Variants in WDFY3 observed in about 807,000 individuals in gnomAD.
WDFY3 encodes the protein WD repeat and FYVE domain containing 3, also known as WD repeat and FYVE domain-containing protein 3.
In WDFY3, 66 loss-of-function variants were observed where a neutral mutation model predicts 409.6. The observed-to-expected ratio is 0.16, with a 90% CI of 0.13 to 0.20. The LOEUF is 0.20. Ranked by LOEUF, WDFY3 falls within the 10% of genes least tolerant of loss-of-function variation. The pLI, the probability that WDFY3 is intolerant of heterozygous loss-of-function variation, is 1.00. For missense variants in WDFY3, 3,031 were observed against 4,298.1 expected (o/e 0.71, Z 8.24); for synonymous variants, 1,521 against 1,537.1 (o/e 0.99, Z 0.25).
intron 64 of WDFY3, among the ~76,000 whole-genome samples, chr4:84,680,281 A>G (rs1727134263): frequency 6.6e-6 from 1 of 151,832 alleles, no homozygotes; most frequent in Non-Finnish European, 1.5e-5. Flanking sequence ...CCTTATTTTT[A>G]ATTTTTATTT....
At chr4:84,805,440 A>G (rs891715575) in intron 15 of WDFY3, among the ~76,000 whole-genome samples, 1 of 152,202 alleles carries the variant, frequency 6.6e-6, no homozygotes, top group African/African-American at 2.4e-5. Flanking sequence ...TTTATTAACT[A>G]AAATTAGGTG....
intron 18 of WDFY3, among the ~76,000 whole-genome samples, chr4:84,797,752 T>C (rs1221827257): frequency 6.6e-6 from 1 of 151,898 alleles, no homozygotes; most frequent in African/African-American, 2.4e-5. Flanking sequence ...GGCTAATTTT[T>C]TTTGTATTTT....
rs573536528 is a variant in WDFY3, at chr4:84,821,035, G to C, written c.1591+49C>G. Reference sequence around the variant, plus strand: ...TGGGAACAAGAACAAAAAATTCTCTGTTTTGAACCCCTTTTCAAATAAAAA... The same window carrying C: ...TGGGAACAAGAACAAAAAATTCTCTCTTTTGAACCCCTTTTCAAATAAAAA... On this transcript the variant is annotated intron_variant, in intron 11 of 67. Coordinates refer to ENST00000295888, the MANE Select transcript of WDFY3 (RefSeq NM_014991.6). The C allele has an allele frequency of 1.7e-5, 25 of 1,480,020 alleles. No homozygotes were observed. In the East Asian group the frequency reaches 5.6e-4, roughly 33 times the overall value. The allele number at this position is 1,480,020 out of a possible 1,614,324, so 91.7% of individuals were successfully genotyped here.
chr4:84,891,745 G>A (rs1275275539), intron 3 of WDFY3, among the ~76,000 whole-genome samples: 1 of 152,128 alleles, frequency 6.6e-6, no homozygotes, highest in Non-Finnish European at 1.5e-5. Context: ...GAAAACAGGA[G>A]AACTCAAAGG....
chr4:84,958,166 G>A (rs1226012837), intron 1 of WDFY3, among the ~76,000 whole-genome samples: 2 of 152,206 alleles, frequency 1.3e-5, no homozygotes, highest in Non-Finnish European at 2.9e-5. Flanking sequence ...CAGGGAAGCA[G>A]TGGAAAAGGC....
chr4:84,821,707 G>A (rs1344396141), intron 10 of WDFY3, among the ~76,000 whole-genome samples, 156 bp from the exon 11 acceptor site: 1 of 151,918 alleles, frequency 6.6e-6, no homozygotes, highest in Non-Finnish European at 1.5e-5. Flanking sequence ...TTCTTCATCA[G>A]GTTCAAATCA....
intron 3 of WDFY3, among the ~76,000 whole-genome samples, chr4:84,883,200 G>A (rs996734704): frequency 2.7e-4 from 41 of 152,112 alleles, no homozygotes; most frequent in African/African-American, 9.4e-4. Context: ...CATTAGACAT[G>A]TCCTAATTAC....
At chr4:84,690,063 TGA>T (rs1729001699) in intron 61 of WDFY3, among the ~76,000 whole-genome samples, 1 of 152,136 alleles carries the variant, frequency 6.6e-6, no homozygotes, top group African/African-American at 2.4e-5. Context: ...AGGGCTCTAC[TGA>T]ATATATTCAT....
rs948806750 is a variant in WDFY3, at chr4:84,838,932, T to C, written c.415-1842A>G. On this transcript the variant is annotated intron_variant, in intron 6 of 67. Transcript: ENST00000295888. The stretch of plus-strand genomic sequence containing the variant: ...TCATCTCTTACATCTACACATTGAG[T>C]CAGGACCATGTTTTGGTCATCTCTG... Among the ~76,000 whole-genome samples, 3 of 152,330 alleles carry C rather than the reference T, an allele frequency of 2.0e-5. No individual in the cohort carries two copies. The South Asian group carries it at 6.2e-4, about 32-fold the overall frequency.
At chr4:84,677,112 G>A in intron 67 of WDFY3, 87 bp downstream of exon 67, 1 of 1,511,892 alleles carries the variant, frequency 6.6e-7, no homozygotes, top group Admixed American at 1.9e-5. Context: ...GGGGACGCCA[G>A]GGCAAATCAG....
chr4:84,707,545 G>T (rs565389994), intron 53 of WDFY3, among the ~76,000 whole-genome samples: 7 of 152,274 alleles, frequency 4.6e-5, no homozygotes, highest in African/African-American at 1.7e-4. Context: ...TGCATCGGGA[G>T]AATGTGGTAG....
At chr4:84,889,331 T>C (rs1404655803) in intron 3 of WDFY3, among the ~76,000 whole-genome samples, 1 of 152,192 alleles carries the variant, frequency 6.6e-6, no homozygotes. Flanking sequence ...GTGCATGATA[T>C]TACACATCTG....
chr4:84,742,188 T>A (rs944019165), intron 37 of WDFY3, among the ~76,000 whole-genome samples: 5 of 152,160 alleles, frequency 3.3e-5, no homozygotes, highest in Non-Finnish European at 5.9e-5. Context: ...AAACAAGCAG[T>A]TCCTCAACAT....
intron 1 of WDFY3, among the ~76,000 whole-genome samples, chr4:84,945,744 TGGA>T (rs1334807778): frequency 1.3e-5 from 2 of 152,160 alleles, no homozygotes; most frequent in Non-Finnish European, 2.9e-5. Context: ...GTGGTGATGG[TGGA>T]GGTGGTATAT....
At chr4:84,796,808 T>A in intron 18 of WDFY3, 56 bp from the exon 19 acceptor site, 1 of 1,447,742 alleles carries the variant, frequency 6.9e-7, no homozygotes, top group Non-Finnish European at 9.5e-7. Flanking sequence ...AAAATAACTT[T>A]ACAAGGCTGA....
chr4:84,839,031 A>C (rs555310489), intron 6 of WDFY3, among the ~76,000 whole-genome samples: 2 of 152,280 alleles, frequency 1.3e-5, no homozygotes, highest in Admixed American at 1.3e-4. Context: ...TTGCTTTTTA[A>C]ATGTATCTAT....
intron 3 of WDFY3, among the ~76,000 whole-genome samples, chr4:84,868,594 T>G (rs1383996627): frequency 6.6e-6 from 1 of 152,182 alleles, no homozygotes; most frequent in Non-Finnish European, 1.5e-5. Flanking sequence ...TATTTAAACA[T>G]TTTTTGGTGT....
intron 38 of WDFY3, among the ~76,000 whole-genome samples, chr4:84,740,845 T>C (rs1284570798): frequency 6.6e-6 from 1 of 152,232 alleles, no homozygotes; most frequent in Non-Finnish European, 1.5e-5. Flanking sequence ...TTTGAGAATT[T>C]TTCTCTTTGG....
intron 46 of WDFY3, among the ~76,000 whole-genome samples, chr4:84,723,382 ACT>A (rs150431336): frequency 1.3e-5 from 2 of 152,180 alleles, no homozygotes; most frequent in African/African-American, 4.8e-5. Context: ...ACAATCTGAA[ACT>A]CATTTTTAAT....
Sources: allele counts gnomAD v4.1 joint callset (sites outside exome capture counted in the v4.1 genomes callset), GRCh38; gene constraint gnomAD v4.1.1; transcripts MANE v1.5; gene names NCBI Gene and HGNC (gene_info 2026-07-23, HGNC 2026-07-21).